The following GALNT18 variants were observed in gnomAD, a reference collection of about 807,000 sequenced individuals.
GALNT18 encodes GalNAc-transferase 18.
A neutral mutation model predicts 69.5 loss-of-function variants in GALNT18; 44 were observed. The ratio of observed to expected loss-of-function variants is 0.63; its 90% CI spans 0.50 to 0.81. The LOEUF (loss-of-function observed/expected upper bound fraction) is 0.81. GALNT18 is among the 40% of genes least tolerant of loss of function. The probability of loss-of-function intolerance (pLI) is 0.00; values close to 1 mark genes in which losing one functional copy is unlikely to be tolerated. For missense variants in GALNT18, 715 were observed against 810.0 expected (o/e 0.88, Z 1.42); for synonymous variants, 364 against 318.2 (o/e 1.14, Z -1.53).
At chr11:11,291,236 C>G (rs1261105677) in intron 10 of GALNT18, among the ~76,000 whole-genome samples, 2 of 152,144 alleles carry the variant, frequency 1.3e-5, no homozygotes, top group African/African-American at 4.8e-5. Flanking sequence ...GGATGAACAC[C>G]CTGTGTCTCA....
rs1314372152 is a variant in GALNT18, at chr11:11,587,760, G to C, written c.235+33599C>G. 6.6e-6 allele frequency among the ~76,000 whole-genome samples: 1 copy of C among 152,132 alleles called. No individual in the cohort carries two copies. Among genetic ancestry groups the C allele is most frequent in the Non-Finnish European group, 1.5e-5 (1 of 68,032 alleles). ...CTGGTAGGTGATCAAACTTAAAGAA[G>C]AGGGAAAAGTCAATGGTTGGTAAAG... On this transcript the variant is annotated intron_variant, in intron 1 of 10. Transcript: ENST00000227756. This position sits in a 1 kb window ranked among gnomAD's most constrained non-coding sequence, Gnocchi z 4.4.
rs533160052 is a variant in GALNT18 at position 11,520,240 on chromosome 11, A to G, written c.236-71304T>C. Among the ~76,000 whole-genome samples, 143 of 152,344 alleles carry G rather than the reference A, an allele frequency of 9.4e-4. 1 individual carries two copies. Among genetic ancestry groups the G allele is most frequent in the Middle Eastern group, 3.4e-3 (1 of 294 alleles). On this transcript the variant is annotated intron_variant, in intron 1 of 10. Transcript: ENST00000227756. ...AAAAGAACACCATGAGGGAGGTCCAATTATTTTCTCCATTTTAAAGATGGG... is the reference window on the plus strand; with the variant it reads ...AAAAGAACACCATGAGGGAGGTCCAGTTATTTTCTCCATTTTAAAGATGGG...
intron 6 of GALNT18, among the ~76,000 whole-genome samples, chr11:11,368,503 T>C (rs760429492): frequency 6.6e-6 from 1 of 152,196 alleles, no homozygotes; most frequent in African/African-American, 2.4e-5. Context: ...CAATCTCAAT[T>C]CTACATGTCT....
chr11:11,393,235 A>C (rs1377269868), intron 3 of GALNT18, among the ~76,000 whole-genome samples: 1 of 152,130 alleles, frequency 6.6e-6, no homozygotes, highest in East Asian at 1.9e-4. Context: ...TACTGATGGG[A>C]CTGGAAGGGA....
At chr11:11,557,348 T>C (rs1858356557) in intron 1 of GALNT18, among the ~76,000 whole-genome samples, 1 of 152,208 alleles carries the variant, frequency 6.6e-6, no homozygotes, top group Admixed American at 6.5e-5. Flanking sequence ...ATTAGAGAGC[T>C]TGGATTCAAC....
rs2129526 is a variant in GALNT18, at chr11:11,338,063, G to T, written c.1278+2756C>A. The stretch of plus-strand genomic sequence containing the variant: ...GCTCACTGGGACCTCCGCCTCCCAG[G>T]TTAAAATGATTCTCTTGCCTCAGCC... On this transcript the variant is annotated intron_variant, in intron 7 of 10. Coordinates refer to ENST00000227756, the MANE Select transcript of GALNT18 (RefSeq NM_198516.3). The surrounding 1 kb of genome is among the most constrained non-coding windows in gnomAD (Gnocchi z 5.3). 0.35 allele frequency among the ~76,000 whole-genome samples: 52,030 copies of T among 150,758 alleles called. 10,549 individuals carry two copies. Among genetic ancestry groups the T allele is most frequent in the Non-Finnish European group, 0.46 (31,260 of 67,790 alleles).
chr11:11,417,921 A>G (rs1854902680), intron 3 of GALNT18, among the ~76,000 whole-genome samples: 1 of 152,240 alleles, frequency 6.6e-6, no homozygotes, highest in African/African-American at 2.4e-5. Context: ...GTCCTTAGGG[A>G]AAAATGAGCT....
chr11:11,398,441 T>A (rs1414403154), intron 3 of GALNT18, among the ~76,000 whole-genome samples: 1 of 152,148 alleles, frequency 6.6e-6, no homozygotes, highest in African/African-American at 2.4e-5. Flanking sequence ...CCAACAAGCT[T>A]ATAGGAAAGA....
chr11:11,294,706 T>A (rs1000304855), intron 9 of GALNT18, among the ~76,000 whole-genome samples: 1 of 152,136 alleles, frequency 6.6e-6, no homozygotes. Flanking sequence ...GGGTCTGGTC[T>A]AGGGGAAAGC....
At chr11:11,408,519 C>T (rs1010300698) in intron 3 of GALNT18, among the ~76,000 whole-genome samples, 11 of 152,122 alleles carry the variant, frequency 7.2e-5, no homozygotes, top group African/African-American at 2.4e-4. Context: ...CACACCAAGT[C>T]GCATTCCTGC....
chr11:11,609,470 C>T (rs1305553610), intron 1 of GALNT18, among the ~76,000 whole-genome samples: 1 of 152,226 alleles, frequency 6.6e-6, no homozygotes, highest in Non-Finnish European at 1.5e-5. Context: ...CCCTGACCAC[C>T]TCCTCATGTA....
In GALNT18 at chr11:11,621,958, G is replaced by C. The variant is rs912001149; in HGVS notation, c.-365C>G. The C allele has an allele frequency of 2.3e-5, 4 of 175,750 alleles. No homozygotes were observed. The highest frequency in any genetic ancestry group is 9.5e-5 in the African/African-American group (4 of 42,248). 10.9% of individuals were successfully genotyped at this position (175,750 alleles called of 1,614,324 possible). A position where few individuals can be genotyped will look rare whatever the true frequency, so the allele number is the denominator to read the frequency against. ...GGCCACGCCGCTTCCCATCGCCAGC[G>C]CCGGCTGCCTTGGCGGTCCGACCGG... On this transcript the variant is annotated 5_prime_UTR_variant, in exon 1 of 11. Transcript: ENST00000227756. The surrounding 1 kb of genome is among the most constrained non-coding windows in gnomAD (Gnocchi z 9.3).
Position 11,541,868 on chromosome 11 carries a change from C to G in GALNT18, c.235+79491G>C, listed in dbSNP as rs1397214618. Among the ~76,000 whole-genome samples, 4 of 152,224 alleles carry G rather than the reference C, an allele frequency of 2.6e-5. No individual in the cohort carries two copies. The highest frequency in any genetic ancestry group is 5.9e-5 in the Non-Finnish European group (4 of 68,040). On this transcript the variant is annotated intron_variant, in intron 1 of 10. Coordinates refer to ENST00000227756, the MANE Select transcript of GALNT18 (RefSeq NM_198516.3). This position sits in a 1 kb window ranked among gnomAD's most constrained non-coding sequence, Gnocchi z 4.8. ...AGTGAGCAGGTTGCTTTCCCTCAGC[C>G]TGGCCACCCTTCCAGAGAGCTGTCC...
Position 11,340,291 on chromosome 11 carries a change from T to TGTCTAAAAACTGCCCAGAATACCTC in GALNT18, c.1278+527_1278+528insGAGGTATTCTGGGCAGTTTTTAGAC. ...ATGATGAGGCTCTGTGAAGGTTAAC[T>TGTCTAAAAACTGCCCAGAATACCTC]CCATCTCCTAGTGAAGGTCCCTGTA... is the stretch of plus-strand genomic sequence containing the variant. On this transcript the variant is annotated intron_variant, in intron 7 of 10. Coordinates refer to ENST00000227756, the MANE Select transcript of GALNT18 (RefSeq NM_198516.3). The surrounding 1 kb of genome is among the most constrained non-coding windows in gnomAD (Gnocchi z 4.2). Among the ~76,000 whole-genome samples the TGTCTAAAAACTGCCCAGAATACCTC allele has an allele frequency of 6.6e-6, 1 of 151,792 alleles. No homozygotes were observed. Among genetic ancestry groups the TGTCTAAAAACTGCCCAGAATACCTC allele is most frequent in the South Asian group, 2.1e-4 (1 of 4,808 alleles).
chr11:11,589,143 C>G, intron 1 of GALNT18, among the ~76,000 whole-genome samples: 1 of 152,198 alleles, frequency 6.6e-6, no homozygotes, highest in East Asian at 1.9e-4. Context: ...TGCCCCTCCC[C>G]CTGATGACCC....
At chr11:11,344,385 G>C (rs764139623) in intron 6 of GALNT18, among the ~76,000 whole-genome samples, 3 of 152,192 alleles carry the variant, frequency 2.0e-5, no homozygotes, top group Non-Finnish European at 2.9e-5. Flanking sequence ...AGGTTTACCT[G>C]GTGTGCTGTG....
chr11:11,569,491 A>G (rs1858732993), intron 1 of GALNT18, among the ~76,000 whole-genome samples: 1 of 152,160 alleles, frequency 6.6e-6, no homozygotes. Flanking sequence ...AATTCTAAGA[A>G]ATTCTGATCT....
chr11:11,409,597 A>G (rs1194548475), intron 3 of GALNT18, among the ~76,000 whole-genome samples: 1 of 94,598 alleles, frequency 1.1e-5, no homozygotes, highest in African/African-American at 4.1e-5. Flanking sequence ...CTCTCTGCCC[A>G]CCCCCACCCC....
chr11:11,350,169 C>T (rs1487125), intron 6 of GALNT18, among the ~76,000 whole-genome samples: 59,782 of 152,074 alleles, frequency 0.39, 12,754 homozygotes, highest in East Asian at 0.84. Context: ...CTGGGATTTG[C>T]TGAAACAGCT....
Sources: gnomAD v4.1 joint callset for allele counts (sites outside exome capture counted in the v4.1 genomes callset) on GRCh38, gnomAD v4.1.1 for gene constraint, Gnocchi (gnomAD v3.1) non-coding constraint, MANE v1.5 for transcripts, NCBI Gene and HGNC (gene_info 2026-07-23, HGNC 2026-07-21) for gene names.